Variants in MORC2 observed in about 807,000 individuals in gnomAD.
MORC2 encodes the protein MORC family CW-type zinc finger 2.
In MORC2, 30 loss-of-function variants were observed where a neutral mutation model predicts 136.0. The ratio of observed to expected loss-of-function variants is 0.22; its 90% CI spans 0.17 to 0.30. The LOEUF is 0.30. MORC2 is among the 10% of genes least tolerant of loss of function. MORC2 has a pLI of 1.00. For missense variants in MORC2, 922 were observed against 1,333.1 expected, an observed-to-expected ratio of 0.69 and a Z score of 4.80; for synonymous variants, 439 against 487.0, an observed-to-expected ratio of 0.90 and a Z score of 1.30.
chr22:30,934,062 C>G lies in MORC2; in HGVS notation c.2323G>C (p.Glu775Gln). The G allele has an allele frequency of 6.2e-7, 1 of 1,614,132 alleles. No homozygotes were observed. Among genetic ancestry groups the G allele is most frequent in the Non-Finnish European group, 8.5e-7 (1 of 1,180,006 alleles). ...AGAACCTCACCTCAACCACTCACCT[C>G]ATTCGAGTCCTTCTTTTCCTCCTTC... ...VVKEEKKDSN[E>Q]LSDSAGEEDS... The change falls in exon 20 of 26, where the codon GAG (glutamate) becomes CAG (glutamine). Residue 775 changes from glutamate (E) to glutamine (Q), a missense_variant and splice_region_variant. Transcript: ENST00000397641. The surrounding 1 kb of genome is among the most constrained non-coding windows in gnomAD (Gnocchi z 4.4).
intron 6 of MORC2, among the ~76,000 whole-genome samples, chr22:30,943,347 A>G (rs889710579): frequency 1.3e-5 from 2 of 152,268 alleles, no homozygotes; most frequent in Non-Finnish European, 2.9e-5. Flanking sequence ...ATGAGGGCAC[A>G]CAGGACACTT....
Position 30,926,758 on chromosome 22 carries a change from G to C in MORC2, c.*45C>G. ...GAAGTCCCCTCCCCCTGCAGCTACAGGGTTGAGGGGCAGGTGGGCAGGGGA... is the reference window on the plus strand; with the variant it reads ...GAAGTCCCCTCCCCCTGCAGCTACACGGTTGAGGGGCAGGTGGGCAGGGGA... On this transcript the variant is annotated 3_prime_UTR_variant, in exon 26 of 26. Transcript: ENST00000397641. 1.3e-6 allele frequency: 2 copies of C among 1,534,170 alleles called. No homozygotes were observed. Among genetic ancestry groups the C allele is most frequent in the Non-Finnish European group, 1.8e-6 (2 of 1,110,848 alleles).
In MORC2 at chr22:30,938,085, G is replaced by A; in HGVS notation, c.1194C>T (p.Gly398=). 8.1e-6 allele frequency: 13 copies of A among 1,614,066 alleles called. No homozygotes were observed. The highest frequency in any genetic ancestry group is 1.1e-5 in the South Asian group (1 of 91,056). Residue 398 remains glycine, a synonymous_variant, in exon 13 of 26, where the codon GGC becomes GGT. Transcript: ENST00000397641. ...SRLIKMYEKV[G]PQLEGGMACG... ...CTCACATGCCCCCTTCCAGCTGTGGGCCCACTTTCTCATACATTTTGATCA... is the reference window on the plus strand; with the variant it reads ...CTCACATGCCCCCTTCCAGCTGTGGACCCACTTTCTCATACATTTTGATCA...
Position 30,939,658 on chromosome 22 carries a change from C to T in MORC2, c.1036G>A (p.Ala346Thr). ...TCCTTGATCCTCTTCTTGACATCGGCTTCTCTGCGCAGAGTGATGGCTCTG... is the reference window on the plus strand; with the variant it reads ...TCCTTGATCCTCTTCTTGACATCGGTTTCTCTGCGCAGAGTGATGGCTCTG... ...QNRAITLRRE[A>T]DVKKRIKEAK... The change falls in exon 12 of 26, where the codon GCC (alanine) becomes ACC (threonine). Residue 346 changes from alanine (A) to threonine (T), a missense_variant. Ala to Thr is a moderately conservative substitution (Grantham distance 58, BLOSUM62 0). Around this residue, in one of 9 missense-constraint regions of MORC2, gnomAD observed 261 missense variants for 354.3 expected, o/e 0.74. Coordinates refer to ENST00000397641, the MANE Select transcript of MORC2 (RefSeq NM_001303256.3). 1.2e-6 allele frequency: 2 copies of T among 1,614,166 alleles called. No individual in the cohort carries two copies. Among genetic ancestry groups the T allele is most frequent in the South Asian group, 2.2e-5 (2 of 91,082 alleles).
chr22:30,955,436 C>G lies in MORC2; in HGVS notation c.157+1327G>C, dbSNP rs1177233655. ...GACTTTTAGCTGCTCTGAGGATTTTCTTTGCTCCAAAGTATAGCAGACATG... is the reference window on the plus strand; with the variant it reads ...GACTTTTAGCTGCTCTGAGGATTTTGTTTGCTCCAAAGTATAGCAGACATG... On this transcript the variant is annotated intron_variant, in intron 3 of 25. Transcript: ENST00000397641. Among the ~76,000 whole-genome samples the G allele has an allele frequency of 2.0e-5, 3 of 152,300 alleles. No individual in the cohort carries two copies. In the East Asian group the frequency reaches 5.8e-4, roughly 29 times the overall value.
At chr22:30,929,892 C>T (rs1197650597) in intron 24 of MORC2, 1 of 152,182 alleles carries the variant, frequency 6.6e-6, no homozygotes, top group African/African-American at 2.4e-5. Flanking sequence ...CTCTGTCACC[C>T]AGGCTGGAGT....
At chr22:30,947,793 A>G (rs558827061) in intron 5 of MORC2, among the ~76,000 whole-genome samples, 81 of 151,988 alleles carry the variant, frequency 5.3e-4, no homozygotes, top group South Asian at 1.3e-3. Context: ...TTTGGCAAAA[A>G]CTCTCACTTT....
intron 3 of MORC2, among the ~76,000 whole-genome samples, chr22:30,955,871 G>A (rs2040960138): frequency 6.6e-6 from 1 of 152,022 alleles, no homozygotes; most frequent in Admixed American, 6.6e-5. Context: ...TTAGCCGGGT[G>A]TGGTGGTGGG....
rs750003469 is a variant in MORC2, at chr22:30,936,932, C to T, written c.1604G>A (p.Arg535Gln). The change falls in exon 16 of 26, where the codon CGG becomes CAG. Residue 535 changes from arginine (R) to glutamine (Q), a missense_variant and splice_region_variant. Arg to Gln is a conservative substitution (Grantham distance 43). Transcript: ENST00000397641. ...TCCCCTTGTTAGACAATGTGCTCAC[C>T]GGTCCTGTTCAGGATCAGGGTTCAT... The part of the protein sequence containing the change: ...CSMNPDPEQD[R>Q]CEASEQKQKV... The T allele has an allele frequency of 1.1e-5, 17 of 1,611,094 alleles. No individual in the cohort carries two copies. The highest frequency in any genetic ancestry group is 1.3e-5 in the Non-Finnish European group (15 of 1,177,304).
At position 30,934,247 on chromosome 22, in the gene MORC2, G is replaced by A; in HGVS notation, c.2194-56C>T. 3 of 1,609,880 alleles carry A rather than the reference G, an allele frequency of 1.9e-6. No homozygotes were observed. The highest frequency in any genetic ancestry group is 1.1e-5 in the South Asian group (1 of 90,592). On this transcript the variant is annotated intron_variant, in intron 19 of 25. Transcript: ENST00000397641. This position sits in a 1 kb window ranked among gnomAD's most constrained non-coding sequence, Gnocchi z 4.4. ...GGCCCTGTTCAGCCTCTAAGGAGCA[G>A]GAAGATTTCATCTAGCCTAAAGGAG...
intron 24 of MORC2, among the ~76,000 whole-genome samples, chr22:30,929,162 C>T (rs1046742750): frequency 6.6e-6 from 1 of 152,258 alleles, no homozygotes; most frequent in Non-Finnish European, 1.5e-5. Flanking sequence ...CTACACAAAA[C>T]AGTAATTGCC....
At chr22:30,963,132 C>A (rs1294224232) in intron 1 of MORC2, 1 of 173,546 alleles carries the variant, frequency 5.8e-6, no homozygotes. Context: ...CCCGCAGCCA[C>A]GCCCAGATAA....
chr22:30,948,049 ACT>A (rs1224369531), intron 5 of MORC2, among the ~76,000 whole-genome samples: 2 of 151,804 alleles, frequency 1.3e-5, no homozygotes, highest in African/African-American at 2.4e-5. Flanking sequence ...CGCTAATAAC[ACT>A]CTCAACTTCT....
At chr22:30,944,244 C>G (rs1274114749) in intron 6 of MORC2, among the ~76,000 whole-genome samples, 1 of 152,180 alleles carries the variant, frequency 6.6e-6, no homozygotes, top group Non-Finnish European at 1.5e-5. Flanking sequence ...GCCTCTCCAC[C>G]ACGGGAACCG....
At chr22:30,927,263 C>A (rs2040500038) in intron 25 of MORC2, among the ~76,000 whole-genome samples, 1 of 152,070 alleles carries the variant, frequency 6.6e-6, no homozygotes, top group Admixed American at 6.6e-5. Context: ...CAGGCCTCCT[C>A]CAACCAAGCA....
In MORC2 at chr22:30,932,867, T is replaced by A. The variant is rs557895027; in HGVS notation, c.2522+22A>T. The A allele has an allele frequency of 5.0e-6, 8 of 1,613,924 alleles. No individual in the cohort carries two copies. In the African/African-American group the frequency reaches 1.1e-4, roughly 22 times the overall value. The stretch of plus-strand genomic sequence containing the variant: ...GATACCTCCTTCGAGGAACCACTGC[T>A]CCTCCCTGATTGGGGCATTACCAGC... On this transcript the variant is annotated intron_variant, in intron 22 of 25. Transcript: ENST00000397641. This position sits in a 1 kb window ranked among gnomAD's most constrained non-coding sequence, Gnocchi z 4.4.
chr22:30,943,878 T>TC (rs1315037336), intron 6 of MORC2, among the ~76,000 whole-genome samples: 1 of 152,166 alleles, frequency 6.6e-6, no homozygotes, highest in Admixed American at 6.5e-5. Context: ...CAAGTGATTC[T>TC]CCTGCCTCAG....
Position 30,933,523 on chromosome 22 carries a change from G to A in MORC2, c.2326-3C>T, listed in dbSNP as rs571447847. 1.2e-6 allele frequency: 2 copies of A among 1,613,582 alleles called. No individual in the cohort carries two copies. Among genetic ancestry groups the A allele is most frequent in the African/African-American group, 1.3e-5 (1 of 74,964 alleles). ...TCTTCCCCAGCACTGTCTGAGAGCT[G>A]CGTGGAGAGCAGTCTATTAGAGGCA... On this transcript the variant is annotated splice_polypyrimidine_tract_variant and splice_region_variant and intron_variant, in intron 20 of 25. Coordinates refer to ENST00000397641, the MANE Select transcript of MORC2 (RefSeq NM_001303256.3).
intron 2 of MORC2, among the ~76,000 whole-genome samples, chr22:30,958,252 A>T (rs2040994520): frequency 6.6e-6 from 1 of 152,236 alleles, no homozygotes; most frequent in Admixed American, 6.5e-5. Context: ...CATAGTTTTA[A>T]AGACATTAGA....
Sources: allele counts gnomAD v4.1 joint callset (sites outside exome capture counted in the v4.1 genomes callset), GRCh38; gene constraint gnomAD v4.1.1; regional missense constraint gnomAD v4.1.1; non-coding constraint Gnocchi (gnomAD v3.1); transcripts MANE v1.5; gene names NCBI Gene and HGNC (gene_info 2026-07-23, HGNC 2026-07-21).